The following ABCB4 variants were observed in gnomAD, a reference collection of about 807,000 sequenced individuals.
ABCB4 encodes ATP binding cassette subfamily B member 4, also known as phosphatidylcholine translocator ABCB4.
A neutral mutation model predicts 145.7 loss-of-function variants in ABCB4; 76 were observed. The observed-to-expected ratio is 0.52, with a 90% CI of 0.43 to 0.63. ABCB4 has a LOEUF of 0.63. Ranked by LOEUF, ABCB4 falls within the 30% of genes least tolerant of loss-of-function variation. ABCB4 has a pLI of 0.00. For missense variants in ABCB4, 1,234 were observed against 1,553.1 expected (o/e 0.79, Z 3.45); for synonymous variants, 517 against 566.8 (o/e 0.91, Z 1.25).
At position 87,440,333 on chromosome 7, in the gene ABCB4, T is replaced by C. The variant is rs1314775687; in HGVS notation, c.1426A>G (p.Ser476Gly). The C allele has an allele frequency of 1.2e-6, 2 of 1,614,126 alleles. No homozygotes were observed. The highest frequency in any genetic ancestry group is 1.1e-5 in the South Asian group (1 of 91,080). Residue 476 changes from serine (S) to glycine (G), a missense_variant, in exon 13 of 28, where the codon AGT (serine) becomes GGT (glycine). Ser to Gly is a moderately conservative substitution (Grantham distance 56). This residue lies in a region of ABCB4 where 467 missense variants were observed against 632.8 expected (regional missense o/e 0.74). Coordinates refer to ENST00000649586, the MANE Select transcript of ABCB4 (RefSeq NM_000443.4). ...NYLREIIGVV[S>G]QEPVLFSTTI... is the part of the protein sequence containing the mutation. ...GTGGAAAACAGCACCGGCTCCTGAC[T>C]CACCACACCAATGATTTCCCTCAGA...
intron 9 of ABCB4, 69 bp from the exon 10 acceptor site, chr7:87,445,044 T>A: frequency 9.9e-7 from 1 of 1,014,744 alleles, no homozygotes; most frequent in Non-Finnish European, 1.5e-6. Flanking sequence ...AAATGTGATG[T>A]ATATGTAACA....
chr7:87,417,713 C>A lies in ABCB4; in HGVS notation c.2479-198G>T, dbSNP rs547776833. Reference sequence around the variant, plus strand: ...TTTCTTCATTGTGCCTTTACACTCTCATTCCTCTCCTGCCCACCTGAACCA... The same window carrying A: ...TTTCTTCATTGTGCCTTTACACTCTAATTCCTCTCCTGCCCACCTGAACCA... On this transcript the variant is annotated intron_variant, in intron 20 of 27. Coordinates refer to ENST00000649586, the MANE Select transcript of ABCB4 (RefSeq NM_000443.4). 9.2e-5 allele frequency among the ~76,000 whole-genome samples: 14 copies of A among 152,346 alleles called. No homozygotes were observed. The South Asian group carries it at 2.7e-3, about 29-fold the overall frequency.
At chr7:87,377,158 G>A in the ABCB4 span, among the ~76,000 whole-genome samples, 5 of 152,008 alleles carry the variant, frequency 3.3e-5, no homozygotes, top group East Asian at 9.6e-4. Flanking sequence ...AGCCCCTAAA[G>A]TCAGGGCCAG....
In ABCB4 at chr7:87,443,723, G is replaced by C. The variant is rs748262552; in HGVS notation, c.1170C>G (p.Ile390Met). The C allele has an allele frequency of 6.2e-7, 1 of 1,613,986 alleles. No individual in the cohort carries two copies. The highest frequency in any genetic ancestry group is 2.2e-5 in the East Asian group (1 of 44,838). Residue 390 changes from isoleucine (I) to methionine (M), a missense_variant, in exon 11 of 28, where the codon ATC becomes ATG. Physicochemically the swap from Ile to Met is conservative, Grantham distance 10. Coordinates refer to ENST00000649586, the MANE Select transcript of ABCB4 (RefSeq NM_000443.4). Reference sequence around the variant, plus strand: ...CATCATTGAACTCCAAATTCCCTTTGATGCTGTCTGGTTTGTGTCCTCTCT... The same window carrying C: ...CATCATTGAACTCCAAATTCCCTTTCATGCTGTCTGGTTTGTGTCCTCTCT... ...FSERGHKPDS[I>M]KGNLEFNDVH... is the part of the protein sequence containing the mutation.
At chr7:87,438,877 G>T (rs1363072351) in intron 14 of ABCB4, among the ~76,000 whole-genome samples, 1 of 152,282 alleles carries the variant, frequency 6.6e-6, no homozygotes, top group Admixed American at 6.5e-5. Flanking sequence ...AGAAAATAAG[G>T]TTCGTGCAGC....
At chr7:87,448,176 T>A (rs1228918814) in intron 8 of ABCB4, among the ~76,000 whole-genome samples, 1 of 152,138 alleles carries the variant, frequency 6.6e-6, no homozygotes, top group Non-Finnish European at 1.5e-5. Flanking sequence ...AGAGGGTATG[T>A]AAAATTTAAT....
intron 24 of ABCB4, among the ~76,000 whole-genome samples, 173 bp downstream of exon 24, chr7:87,409,063 T>C (rs1486654498): frequency 3.3e-5 from 5 of 152,250 alleles, no homozygotes; most frequent in East Asian, 3.9e-4. Context: ...AAACCACCTA[T>C]AAAATTTTTA....
At chr7:87,473,726 AGTGTGTGTGT>A (rs4015825) in intron 2 of ABCB4, among the ~76,000 whole-genome samples, 2 of 150,106 alleles carry the variant, frequency 1.3e-5, no homozygotes, top group South Asian at 2.1e-4. Context: ...TCTATGAGGG[AGTGTGTGTGT>A]GTGTGTGTGT....
Position 87,454,629 on chromosome 7 carries a change from CA to C in ABCB4, c.287-38del, listed in dbSNP as rs775217321. The C allele has an allele frequency of 2.7e-6, 4 of 1,492,556 alleles. No homozygotes were observed. In the South Asian group the frequency reaches 4.7e-5, roughly 18 times the overall value. The allele number at this position is 1,492,556 out of a possible 1,614,324, so 92.5% of individuals were successfully genotyped here. A position where few individuals can be genotyped will look rare whatever the true frequency, so the allele number is the denominator to read the frequency against. On this transcript the variant is annotated intron_variant, in intron 4 of 27. Coordinates refer to ENST00000649586, the MANE Select transcript of ABCB4 (RefSeq NM_000443.4). ...AATAAAATAAAACATGTTAAAAGAT[CA>C]AACTATTAATAGGCATTGCCAGGTT...
At chr7:87,446,334 G>T (rs183986933) in intron 9 of ABCB4, among the ~76,000 whole-genome samples, 1 of 152,140 alleles carries the variant, frequency 6.6e-6, no homozygotes, top group East Asian at 1.9e-4. Context: ...TGAAAAGATG[G>T]TCACAAAATA....
intron 14 of ABCB4, among the ~76,000 whole-genome samples, chr7:87,434,095 ATTT>A (rs756063095): frequency 3.4e-5 from 4 of 118,052 alleles, no homozygotes; most frequent in African/African-American, 6.4e-5. Context: ...CACCTGGCTA[ATTT>A]TTTTTTTTTT....
Position 87,420,078 on chromosome 7 carries a change from G to A in ABCB4, c.2317-3C>T. 1 of 1,613,856 alleles carries A rather than the reference G, an allele frequency of 6.2e-7. No individual in the cohort carries two copies. Among genetic ancestry groups the A allele is most frequent in the Non-Finnish European group, 8.5e-7 (1 of 1,179,824 alleles). ...CCAGCTTTCCCAAACGTGAAACCCT[G>A]GTTGAGAAAAAAGGCTATGGTCTCT... On this transcript the variant is annotated splice_polypyrimidine_tract_variant and splice_region_variant and intron_variant, in intron 18 of 27. Coordinates refer to ENST00000649586, the MANE Select transcript of ABCB4 (RefSeq NM_000443.4).
intron 21 of ABCB4, among the ~76,000 whole-genome samples, chr7:87,416,194 C>T (rs1299672039): frequency 3.9e-5 from 6 of 152,178 alleles, no homozygotes; most frequent in Non-Finnish European, 7.4e-5. Flanking sequence ...CTGCATGCAG[C>T]GGCAGCTGAT....
At chr7:87,402,325 C>T (rs1360535284) in intron 27 of ABCB4, 23 bp from the exon 28 acceptor site, 6 of 1,613,562 alleles carry the variant, frequency 3.7e-6, no homozygotes, top group South Asian at 1.1e-5. Context: ...CAGACAGACA[C>T]CTTATCCCAA....
intron 12 of ABCB4, among the ~76,000 whole-genome samples, chr7:87,442,248 A>G (rs1224116006): frequency 3.3e-5 from 5 of 152,108 alleles, no homozygotes; most frequent in Non-Finnish European, 7.4e-5. Context: ...GTTCCCCCAT[A>G]GTAATATCAG....
At chr7:87,440,484 C>T (rs967478070) in intron 12 of ABCB4, 82 bp from the exon 13 acceptor site, 8 of 1,193,456 alleles carry the variant, frequency 6.7e-6, no homozygotes, top group Non-Finnish European at 7.3e-6. Context: ...AAACATCCTA[C>T]CTAATATTTA....
chr7:87,380,898 G>A, the ABCB4 span, among the ~76,000 whole-genome samples: 5 of 152,330 alleles, frequency 3.3e-5, no homozygotes, highest in East Asian at 5.8e-4. Context: ...GTTTGTCAGC[G>A]ACCTGTGAGT....
Position 87,444,932 on chromosome 7 carries a change from G to A in ABCB4, c.1049C>T (p.Ala350Val). Residue 350 changes from alanine to valine, a missense_variant, in exon 10 of 28, where the codon GCT (alanine) becomes GTT (valine). By Grantham distance (64) the Ala-to-Val change is moderately conservative. Around this residue, in one of 7 missense-constraint regions of ABCB4, gnomAD observed 467 missense variants for 632.8 expected, o/e 0.74. Coordinates refer to ENST00000649586, the MANE Select transcript of ABCB4 (RefSeq NM_000443.4). Reference protein sequence around the residue: ...ILIGAFSVGQAAPCIDAFANA... With the variant: ...ILIGAFSVGQVAPCIDAFANA... ...GGCAAAAGCATCAATACATGGGGCA[G>A]CCTGGCCAACACTGAAAGCTCCAAT... is the stretch of plus-strand genomic sequence containing the variant. The A allele has an allele frequency of 6.2e-7, 1 of 1,607,200 alleles. No individual in the cohort carries two copies. The highest frequency in any genetic ancestry group is 8.5e-7 in the Non-Finnish European group (1 of 1,179,570).
intron 26 of ABCB4, 136 bp downstream of exon 26, chr7:87,406,152 T>C (rs1808168006): frequency 1.2e-6 from 1 of 864,002 alleles, no homozygotes; most frequent in East Asian, 2.5e-5. Flanking sequence ...AAGCTTGGTA[T>C]CCTGAAGTGC....
Sources: allele counts gnomAD v4.1 joint callset (sites outside exome capture counted in the v4.1 genomes callset), GRCh38; gene constraint gnomAD v4.1.1; regional missense constraint gnomAD v4.1.1; transcripts MANE v1.5; gene names NCBI Gene and HGNC (gene_info 2026-07-23, HGNC 2026-07-21).